Variants in RAPGEF2 observed in about 807,000 individuals in gnomAD.
RAPGEF2 encodes the protein Rap guanine nucleotide exchange factor 2.
In RAPGEF2, 54 loss-of-function variants were observed where a neutral mutation model predicts 186.7. That is an observed-to-expected ratio of 0.29 (90% CI 0.23 to 0.36). The LOEUF (loss-of-function observed/expected upper bound fraction) is 0.36. RAPGEF2 is among the 10% of genes least tolerant of loss of function. RAPGEF2 has a pLI of 1.00. For missense variants in RAPGEF2, 1,532 were observed against 2,045.0 expected (o/e 0.75, Z 4.84); for synonymous variants, 712 against 705.9 (o/e 1.01, Z -0.14).
chr4:159,247,480 TTGAAAGCCATG>T (rs1420509869), intron 7 of RAPGEF2, among the ~76,000 whole-genome samples: 1 of 152,214 alleles, frequency 6.6e-6, no homozygotes, highest in Non-Finnish European at 1.5e-5. Flanking sequence ...TATAGGGTTT[TTGAAAGCCATG>T]TTGAAAGTTG....
intron 8 of RAPGEF2, among the ~76,000 whole-genome samples, chr4:159,305,161 G>A (rs1763131947): frequency 6.6e-6 from 1 of 152,042 alleles, no homozygotes; most frequent in Admixed American, 6.6e-5. Flanking sequence ...GTATCTTTTT[G>A]ATACAATGAT....
At chr4:159,117,468 G>GGT (rs1739168540) in intron 1 of RAPGEF2, among the ~76,000 whole-genome samples, 1 of 152,104 alleles carries the variant, frequency 6.6e-6, no homozygotes, top group Admixed American at 6.5e-5. Context: ...TATTTTCTCT[G>GGT]GTGTGGTTTA....
intron 4 of RAPGEF2, among the ~76,000 whole-genome samples, chr4:159,233,693 G>A (rs1018887287): frequency 6.6e-6 from 1 of 151,804 alleles, no homozygotes; most frequent in Admixed American, 6.6e-5. Context: ...GATGATGGGG[G>A]CACCAAAATC....
At chr4:159,147,253 A>G (rs1209616185) in intron 1 of RAPGEF2, among the ~76,000 whole-genome samples, 1 of 152,260 alleles carries the variant, frequency 6.6e-6, no homozygotes, top group African/African-American at 2.4e-5. Flanking sequence ...TCAAAAAAGC[A>G]AACATGTTAA....
At chr4:159,216,080 C>T (rs956780669) in intron 4 of RAPGEF2, among the ~76,000 whole-genome samples, 21 of 152,112 alleles carry the variant, frequency 1.4e-4, no homozygotes, top group African/African-American at 4.6e-4. Flanking sequence ...CTTCAAGGGC[C>T]CTTTCCATGC....
intron 7 of RAPGEF2, among the ~76,000 whole-genome samples, chr4:159,270,264 A>T (rs1033786623): frequency 6.6e-6 from 1 of 152,152 alleles, no homozygotes; most frequent in African/African-American, 2.4e-5. Context: ...CAGACCTTTA[A>T]AATTTTAATT....
At chr4:159,324,776 C>T (rs1390774796) in intron 11 of RAPGEF2, among the ~76,000 whole-genome samples, 1 of 151,896 alleles carries the variant, frequency 6.6e-6, no homozygotes, top group Non-Finnish European at 1.5e-5. Context: ...ATACTAAGGC[C>T]AAATGTGAAA....
chr4:159,126,194 A>C (rs1313109918), intron 1 of RAPGEF2, among the ~76,000 whole-genome samples: 1 of 152,220 alleles, frequency 6.6e-6, no homozygotes, highest in Non-Finnish European at 1.5e-5. Flanking sequence ...GCCTTCCTTC[A>C]AACTTACTGT....
intron 7 of RAPGEF2, among the ~76,000 whole-genome samples, chr4:159,272,201 C>T (rs1335685790): frequency 2.6e-5 from 4 of 152,146 alleles, no homozygotes; most frequent in Admixed American, 6.5e-5. Context: ...ATACAGGCCA[C>T]GATTCATTTG....
intron 1 of RAPGEF2, among the ~76,000 whole-genome samples, chr4:159,108,830 T>C (rs2111054399): frequency 6.6e-6 from 1 of 152,280 alleles, no homozygotes; most frequent in East Asian, 1.9e-4. Flanking sequence ...ATGATCCTCC[T>C]GCGTCAGCCT....
chr4:159,104,115 G>A lies in RAPGEF2; in HGVS notation c.-48G>A, dbSNP rs1159569080. 18 of 1,321,160 alleles carry A rather than the reference G, an allele frequency of 1.4e-5. No homozygotes were observed. The highest frequency in any genetic ancestry group is 1.7e-5 in the Non-Finnish European group (17 of 989,356). The allele number at this position is 1,321,160 out of a possible 1,614,324, so 81.8% of individuals were successfully genotyped here. On this transcript the variant is annotated 5_prime_UTR_variant, in exon 1 of 30. Coordinates refer to ENST00000691494, the MANE Select transcript of RAPGEF2 (RefSeq NM_001394067.2). ...GGCAGCAGCGGCGCTGGGCCGGGAG[G>A]AGGCCGGCCAGGGTGCGGAGCGGCC...
rs1751171645 is a variant in RAPGEF2, at chr4:159,218,263, G to T, written c.281+7680G>T. 2.0e-5 allele frequency among the ~76,000 whole-genome samples: 3 copies of T among 152,148 alleles called. No homozygotes were observed. In the South Asian group the frequency reaches 6.2e-4, roughly 32 times the overall value. The stretch of plus-strand genomic sequence containing the variant: ...GAGTGCAGATTAAGCATGGTAGGAG[G>T]GTGGTGATTGGAGAAGGAATGGAGG... On this transcript the variant is annotated intron_variant, in intron 4 of 29. Transcript: ENST00000691494.
At position 159,330,261 on chromosome 4, in the gene RAPGEF2, GTA is replaced by G. The variant is rs367645092; in HGVS notation, c.1303-69_1303-68del. The G allele has an allele frequency of 1.1e-4, 83 of 786,454 alleles. No homozygotes were observed. The African/African-American group carries it at 1.1e-3, about 10-fold the overall frequency. The allele number at this position is 786,454 out of a possible 1,614,324, so 48.7% of individuals were successfully genotyped here. A position where few individuals can be genotyped will look rare whatever the true frequency, so the allele number is the denominator to read the frequency against. On this transcript the variant is annotated intron_variant, in intron 12 of 29. Coordinates refer to ENST00000691494, the MANE Select transcript of RAPGEF2 (RefSeq NM_001394067.2). ...ATGTCATATATGTGTGTGTGTATAT[GTA>G]TATGTGTGTGTGTGTGTGTGTGTGT...
rs1444302101 is a variant in RAPGEF2, at chr4:159,198,258, T to TCC, written c.197+5002_197+5003insCC. 3.7e-5 allele frequency among the ~76,000 whole-genome samples: 4 copies of TCC among 108,844 alleles called. 1 individual carries two copies. The highest frequency in any genetic ancestry group is 1.6e-4 in the African/African-American group (4 of 25,142). 71.4% of individuals were successfully genotyped at this position (108,844 alleles called of 152,430 possible). ...TTTCTTTCTTTCTTCCTTTCTTTCT[T>TCC]TCTCTTTCTTTCCTTCTTTCTTTCT... On this transcript the variant is annotated intron_variant, in intron 3 of 29. Transcript: ENST00000691494.
chr4:159,327,234 A>G (rs1766046190), intron 11 of RAPGEF2: 1 of 152,230 alleles, frequency 6.6e-6, no homozygotes, highest in Non-Finnish European at 1.5e-5. Context: ...ATAAACTGTC[A>G]TTGACTTTTA....
rs146908486 is a variant in RAPGEF2 at position 159,300,440 on chromosome 4, G to A, written c.544-3902G>A. On this transcript the variant is annotated intron_variant, in intron 7 of 29. Coordinates refer to ENST00000691494, the MANE Select transcript of RAPGEF2 (RefSeq NM_001394067.2). Reference sequence around the variant, plus strand: ...TGAGCAGTAATATATTTATATAATCGAATATTAAAATAAATATTTAAGTGA... The same window carrying A: ...TGAGCAGTAATATATTTATATAATCAAATATTAAAATAAATATTTAAGTGA... 3.1e-3 allele frequency among the ~76,000 whole-genome samples: 463 copies of A among 151,570 alleles called. 2 individuals carry two copies. Among genetic ancestry groups the A allele is most frequent in the African/African-American group, 0.01 (414 of 41,350 alleles).
chr4:159,163,246 G>A (rs1744913536), intron 1 of RAPGEF2, among the ~76,000 whole-genome samples: 1 of 152,044 alleles, frequency 6.6e-6, no homozygotes, highest in African/African-American at 2.4e-5. Context: ...TTACAGATTT[G>A]TAAAATGTGG....
rs1165259854 is a variant in RAPGEF2, at chr4:159,103,614, C to G, written c.-549C>G. 1 of 152,838 alleles carries G rather than the reference C, an allele frequency of 6.5e-6. No homozygotes were observed. The highest frequency in any genetic ancestry group is 1.5e-5 in the Non-Finnish European group (1 of 68,430). The allele number at this position is 152,838 out of a possible 1,614,324, so 9.5% of individuals were successfully genotyped here. A position where few individuals can be genotyped will look rare whatever the true frequency, so the allele number is the denominator to read the frequency against. ...GACCGGCGGCCGAGGCGCCCGAGGA[C>G]TGGGGACGCGGAAGATCCAAGTGAT... On this transcript the variant is annotated 5_prime_UTR_variant, in exon 1 of 30. Transcript: ENST00000691494.
intron 6 of RAPGEF2, among the ~76,000 whole-genome samples, chr4:159,242,277 T>G (rs949959412): frequency 6.6e-5 from 10 of 151,578 alleles, no homozygotes; most frequent in Non-Finnish European, 1.5e-5. Flanking sequence ...TATAATTAAT[T>G]TAAAATAAAA....
Sources: gnomAD v4.1 joint callset for allele counts (sites outside exome capture counted in the v4.1 genomes callset) on GRCh38, gnomAD v4.1.1 for gene constraint, MANE v1.5 for transcripts, NCBI Gene and HGNC (gene_info 2026-07-23, HGNC 2026-07-21) for gene names.